The following SLC24A4 variants were observed in gnomAD, a reference collection of about 807,000 sequenced individuals.
The protein encoded by SLC24A4 is solute carrier family 24 member 4.
A neutral mutation model predicts 79.0 loss-of-function variants in SLC24A4; 53 were observed. The ratio of observed to expected loss-of-function variants is 0.67; its 90% CI spans 0.54 to 0.84. The LOEUF (loss-of-function observed/expected upper bound fraction) is 0.84. Ranked by LOEUF, SLC24A4 falls within the 40% of genes least tolerant of loss-of-function variation. SLC24A4 has a pLI of 0.00. For missense variants in SLC24A4, 731 were observed against 822.0 expected (o/e 0.89, Z 1.35); for synonymous variants, 323 against 323.8 (o/e 1.00, Z 0.03).
chr14:92,331,794 A>G (rs12432977), intron 2 of SLC24A4, among the ~76,000 whole-genome samples: 10,023 of 152,318 alleles, frequency 0.066, 407 homozygotes, highest in Middle Eastern at 0.13. Flanking sequence ...CCTGAAACAG[A>G]AAGACCAACC....
Position 92,398,895 on chromosome 14 carries a change from T to C in SLC24A4, c.242-35017T>C, listed in dbSNP as rs1889933256. Among the ~76,000 whole-genome samples, 1 of 152,194 alleles carries C rather than the reference T, an allele frequency of 6.6e-6. No individual in the cohort carries two copies. The highest frequency in any genetic ancestry group is 2.4e-5 in the African/African-American group (1 of 41,448). On this transcript the variant is annotated intron_variant, in intron 2 of 16. Coordinates refer to ENST00000532405, the MANE Select transcript of SLC24A4 (RefSeq NM_153646.4). This position sits in a 1 kb window ranked among gnomAD's most constrained non-coding sequence, Gnocchi z 4.1. ...CTCAATGCCTGCTTCTTTCCCAGGATTGGATCTTCAAGGACAAGGACCGTG... is the reference window on the plus strand; with the variant it reads ...CTCAATGCCTGCTTCTTTCCCAGGACTGGATCTTCAAGGACAAGGACCGTG...
intron 12 of SLC24A4, among the ~76,000 whole-genome samples, chr14:92,471,714 C>T (rs1413721799): frequency 2.0e-5 from 3 of 152,090 alleles, no homozygotes; most frequent in African/African-American, 7.2e-5. Context: ...GACTCTCATA[C>T]CCACCCAGAC....
intron 12 of SLC24A4, among the ~76,000 whole-genome samples, chr14:92,463,151 A>G (rs2139868908): frequency 6.6e-6 from 1 of 152,272 alleles, no homozygotes; most frequent in African/African-American, 2.4e-5. Context: ...CGGAACAGGC[A>G]ATCGGAAGAT....
At chr14:92,422,631 A>G (rs922151277) in intron 2 of SLC24A4, among the ~76,000 whole-genome samples, 2 of 151,926 alleles carry the variant, frequency 1.3e-5, no homozygotes, top group African/African-American at 2.4e-5. Context: ...ATTGCTATGT[A>G]TGTTTCATAT....
At chr14:92,337,071 G>A (rs1048615518) in intron 2 of SLC24A4, among the ~76,000 whole-genome samples, 3 of 152,162 alleles carry the variant, frequency 2.0e-5, no homozygotes, top group Non-Finnish European at 4.4e-5. Context: ...CTAGGGCTAG[G>A]GCTGGATCAG....
At chr14:92,452,771 A>AT (rs1266989330) in intron 10 of SLC24A4, 2 of 152,276 alleles carry the variant, frequency 1.3e-5, no homozygotes, top group Non-Finnish European at 2.9e-5. Flanking sequence ...TGACAAATGC[A>AT]TGTTCTCCTG....
intron 12 of SLC24A4, among the ~76,000 whole-genome samples, chr14:92,464,317 ACCAGGCAT>A (rs1274711980): frequency 3.3e-5 from 5 of 152,116 alleles, no homozygotes; most frequent in African/African-American, 1.2e-4. Context: ...ACCAGACAGA[ACCAGGCAT>A]CCAGGCCACC....
intron 2 of SLC24A4, among the ~76,000 whole-genome samples, chr14:92,392,462 G>T (rs957163164): frequency 6.6e-6 from 1 of 151,754 alleles, no homozygotes; most frequent in Non-Finnish European, 1.5e-5. Context: ...TGTATTCTGG[G>T]GCTGTTCTCC....
At chr14:92,408,710 G>T (rs1488816069) in intron 2 of SLC24A4, among the ~76,000 whole-genome samples, 3 of 152,064 alleles carry the variant, frequency 2.0e-5, no homozygotes, top group Admixed American at 2.0e-4. Flanking sequence ...TACAAATGTG[G>T]ATTTTTTTTA....
At chr14:92,357,663 G>A (rs1375667704) in intron 2 of SLC24A4, among the ~76,000 whole-genome samples, 1 of 152,228 alleles carries the variant, frequency 6.6e-6, no homozygotes, top group East Asian at 1.9e-4. Context: ...GAGTCAGAAA[G>A]TAGAATGGTG....
intron 12 of SLC24A4, among the ~76,000 whole-genome samples, chr14:92,465,836 A>G (rs1010763470): frequency 1.3e-5 from 2 of 151,740 alleles, no homozygotes; most frequent in Non-Finnish European, 2.9e-5. Context: ...CACCACCCCC[A>G]GCCCAGACAA....
intron 2 of SLC24A4, among the ~76,000 whole-genome samples, chr14:92,377,667 A>G (rs1238632750): frequency 6.6e-6 from 1 of 152,212 alleles, no homozygotes; most frequent in Non-Finnish European, 1.5e-5. Context: ...CGACAGGGTC[A>G]GGGTACATTC....
In SLC24A4 at chr14:92,383,892, G is replaced by A. The variant is rs565794317; in HGVS notation, c.242-50020G>A. 2.4e-3 allele frequency among the ~76,000 whole-genome samples: 372 copies of A among 152,308 alleles called. 2 individuals are homozygous for A. Among genetic ancestry groups the A allele is most frequent in the African/African-American group, 8.4e-3 (348 of 41,556 alleles). On this transcript the variant is annotated intron_variant, in intron 2 of 16. Transcript: ENST00000532405. ...CATTTCCGCGGGAAGATCTTCAGCG[G>A]GTCCCAAGCCATGCCTGGCTGGACC... is the stretch of plus-strand genomic sequence containing the variant.
intron 2 of SLC24A4, among the ~76,000 whole-genome samples, chr14:92,367,350 C>T (rs924878261): frequency 5.9e-5 from 9 of 152,144 alleles, no homozygotes; most frequent in African/African-American, 1.9e-4. Context: ...CTAAGTTGAC[C>T]GATATGAAAT....
At chr14:92,408,795 C>T (rs1389284471) in intron 2 of SLC24A4, among the ~76,000 whole-genome samples, 1 of 152,098 alleles carries the variant, frequency 6.6e-6, no homozygotes, top group African/African-American at 2.4e-5. Flanking sequence ...ATACTTGTTC[C>T]CCCAACAGGA....
At chr14:92,443,330 A>G (rs1892607015) in intron 6 of SLC24A4, 70 bp from the exon 7 acceptor site, 2 of 1,439,424 alleles carry the variant, frequency 1.4e-6, no homozygotes, top group Non-Finnish European at 1.9e-6. Context: ...CGGGGGGAGG[A>G]GGCCTGGGCA....
intron 2 of SLC24A4, among the ~76,000 whole-genome samples, chr14:92,359,879 T>C (rs935998268): frequency 1.3e-5 from 2 of 152,234 alleles, no homozygotes; most frequent in Non-Finnish European, 2.9e-5. Flanking sequence ...AAACTCTTTA[T>C]GTAAATGGAG....
chr14:92,466,281 T>C (rs1894113508), intron 12 of SLC24A4, among the ~76,000 whole-genome samples: 1 of 152,248 alleles, frequency 6.6e-6, no homozygotes, highest in African/African-American at 2.4e-5. Flanking sequence ...GAGTGCTGAC[T>C]CTGCACCAAG....
chr14:92,428,430 G>A (rs12589503), intron 2 of SLC24A4, among the ~76,000 whole-genome samples: 35,094 of 152,090 alleles, frequency 0.23, 4,549 homozygotes, highest in African/African-American at 0.36. Flanking sequence ...CCCTGAGGGG[G>A]AGGTTCATGG....
Sources: gnomAD v4.1 joint callset for allele counts (sites outside exome capture counted in the v4.1 genomes callset) on GRCh38, gnomAD v4.1.1 for gene constraint, Gnocchi (gnomAD v3.1) non-coding constraint, MANE v1.5 for transcripts, NCBI Gene and HGNC (gene_info 2026-07-23, HGNC 2026-07-21) for gene names.